Variants in PCDHGB1 observed in about 807,000 individuals in gnomAD.
PCDHGB1 encodes protocadherin gamma-B1.
PCDHGB1 carries 34 observed loss-of-function variants against 56.6 expected under a neutral mutation model. The ratio of observed to expected loss-of-function variants is 0.60; its 90% CI spans 0.46 to 0.80. PCDHGB1 has a LOEUF of 0.80. Ranked by LOEUF, PCDHGB1 falls within the 30% of genes least tolerant of loss-of-function variation. The pLI is 0.00. For missense variants in PCDHGB1, 1,278 were observed against 1,204.6 expected, an observed-to-expected ratio of 1.06 and a Z score of -0.90; for synonymous variants, 561 against 505.9, an observed-to-expected ratio of 1.11 and a Z score of -1.46.
chr5:141,439,211 A>G (rs1438403213), intron 1 of PCDHGB1, among the ~76,000 whole-genome samples: 1 of 151,666 alleles, frequency 6.6e-6, no homozygotes, highest in Non-Finnish European at 1.5e-5. Flanking sequence ...AAAAATCCAT[A>G]TGTGAAAATT....
rs2099694486 is a variant in PCDHGB1 at position 141,489,987 on chromosome 5, G to A, written c.2410-4820G>A. The A allele has an allele frequency of 1.2e-6, 2 of 1,614,106 alleles. No homozygotes were observed. The highest frequency in any genetic ancestry group is 1.3e-5 in the African/African-American group (1 of 74,932). The stretch of plus-strand genomic sequence containing the variant: ...CCTTCCAATCCTCAGTTCTACGTGT[G>A]GGAATCCCAGAGAATGCACCCATTG... On this transcript the variant is annotated intron_variant, in intron 1 of 3. Coordinates refer to ENST00000523390, the MANE Select transcript of PCDHGB1 (RefSeq NM_018922.3). The surrounding 1 kb of genome is among the most constrained non-coding windows in gnomAD (Gnocchi z 4.5).
chr5:141,397,820 C>G (rs2093573235), intron 1 of PCDHGB1, among the ~76,000 whole-genome samples: 1 of 152,240 alleles, frequency 6.6e-6, no homozygotes, highest in Non-Finnish European at 1.5e-5. Flanking sequence ...AAAACAATTA[C>G]TGCACTGGTT....
chr5:141,424,052 G>A, intron 1 of PCDHGB1: 1 of 1,012,010 alleles, frequency 9.9e-7, no homozygotes, highest in South Asian at 4.7e-5. Flanking sequence ...CAATTTTGCT[G>A]TGCCTTCACT....
intron 1 of PCDHGB1, chr5:141,422,335 C>T (rs1196951059): frequency 6.5e-7 from 1 of 1,549,804 alleles, no homozygotes; most frequent in Non-Finnish European, 8.7e-7. Flanking sequence ...GATTGCTCTT[C>T]TAAATGTGCA....
intron 1 of PCDHGB1, chr5:141,415,589 T>C: frequency 1.2e-6 from 2 of 1,614,062 alleles, no homozygotes; most frequent in Non-Finnish European, 1.7e-6. Flanking sequence ...AAGTTTCCTA[T>C]AGAGGATACC....
At chr5:141,420,237 C>A in intron 1 of PCDHGB1, 1 of 1,595,672 alleles carries the variant, frequency 6.3e-7, no homozygotes, top group Non-Finnish European at 8.6e-7. Context: ...AGCATTTTAA[C>A]TCCCAGCGTT....
chr5:141,482,288 C>G (rs1413786764), intron 1 of PCDHGB1, among the ~76,000 whole-genome samples: 1 of 152,078 alleles, frequency 6.6e-6, no homozygotes, highest in Non-Finnish European at 1.5e-5. Context: ...GTCTTTTAAT[C>G]TCTTTAAACT....
chr5:141,428,338 T>G, intron 1 of PCDHGB1: 7 of 592,492 alleles, frequency 1.2e-5, no homozygotes, highest in East Asian at 3.1e-5. Flanking sequence ...TATGCTCTTC[T>G]TCCTCGCAGT....
chr5:141,419,993 G>T (rs754254084), intron 1 of PCDHGB1: 5 of 1,614,056 alleles, frequency 3.1e-6, no homozygotes, highest in Middle Eastern at 1.6e-4. Context: ...TCTAGCTATT[G>T]CTCTACGCCT....
chr5:141,379,238 A>C (rs1775465373), intron 1 of PCDHGB1: 1 of 152,242 alleles, frequency 6.6e-6, no homozygotes, highest in Non-Finnish European at 1.5e-5. Flanking sequence ...CTGAACCAAT[A>C]TTGTGGTATT....
intron 1 of PCDHGB1, chr5:141,404,496 A>G (rs773471878): frequency 2.7e-5 from 43 of 1,613,778 alleles, no homozygotes; most frequent in East Asian, 2.2e-5. Context: ...GGTGTGCTGT[A>G]TGCTCTGTGC....
At chr5:141,414,948 G>A (rs957548133) in intron 1 of PCDHGB1, 20 of 1,614,084 alleles carry the variant, frequency 1.2e-5, no homozygotes, top group South Asian at 2.2e-5. Flanking sequence ...CCGGCTACCT[G>A]GTGACCAAGG....
intron 1 of PCDHGB1, chr5:141,479,355 A>G (rs2099493778): frequency 6.6e-6 from 1 of 152,506 alleles, no homozygotes; most frequent in Non-Finnish European, 1.5e-5. Flanking sequence ...CTTGCTGCTC[A>G]GTGCCTGAGG....
At chr5:141,361,800 C>A in intron 1 of PCDHGB1, 1 of 1,613,196 alleles carries the variant, frequency 6.2e-7, no homozygotes, top group Non-Finnish European at 8.5e-7. Flanking sequence ...TGGGCGACCT[C>A]AATGACAATG....
chr5:141,472,529 G>C lies in PCDHGB1; in HGVS notation c.2410-22278G>C, dbSNP rs553065027. 9.3e-5 allele frequency among the ~76,000 whole-genome samples: 14 copies of C among 151,058 alleles called. No individual in the cohort carries two copies. In the East Asian group the frequency reaches 2.6e-3, roughly 28 times the overall value. ...CACTCCAGCCTGGGTGACAGAGTGA[G>C]ACACCATCTCAAGAAAAAAAAAATT... On this transcript the variant is annotated intron_variant, in intron 1 of 3. Transcript: ENST00000523390.
chr5:141,350,935 C>G lies in PCDHGB1; in HGVS notation c.675C>G (p.Ile225Met). ...CGCCTCTAAGCGGCACCACCCATAT[C>G]TGGATCCGAGTTACGGATGCCAATG... is the stretch of plus-strand genomic sequence containing the variant. ...GDPPLSGTTH[I>M]WIRVTDANDN... is the part of the protein sequence containing the mutation. The change falls in exon 1 of 4, where the codon ATC becomes ATG. Residue 225 changes from isoleucine (I) to methionine (M), a missense_variant. Coordinates refer to ENST00000523390, the MANE Select transcript of PCDHGB1 (RefSeq NM_018922.3). 6.2e-7 allele frequency: 1 copy of G among 1,614,104 alleles called. No individual in the cohort carries two copies. The highest frequency in any genetic ancestry group is 2.2e-5 in the East Asian group (1 of 44,888).
chr5:141,410,090 C>G (rs369832481), intron 1 of PCDHGB1: 3 of 1,612,358 alleles, frequency 1.9e-6, no homozygotes, highest in South Asian at 2.2e-5. Context: ...GCGCACGGCT[C>G]GAGCCTTAGG....
chr5:141,444,561 GA>G (rs778707459), intron 1 of PCDHGB1, among the ~76,000 whole-genome samples: 17 of 152,098 alleles, frequency 1.1e-4, no homozygotes, highest in Non-Finnish European at 2.1e-4. Context: ...GCACTTATTT[GA>G]CACTTTTGAC....
intron 1 of PCDHGB1, among the ~76,000 whole-genome samples, chr5:141,494,188 T>G (rs2099752632): frequency 6.6e-6 from 1 of 152,186 alleles, no homozygotes; most frequent in Non-Finnish European, 1.5e-5. Flanking sequence ...GTCCCGGGAC[T>G]TGGATGCCCC....
Sources: gnomAD v4.1 joint callset for allele counts (sites outside exome capture counted in the v4.1 genomes callset) on GRCh38, gnomAD v4.1.1 for gene constraint, Gnocchi (gnomAD v3.1) non-coding constraint, MANE v1.5 for transcripts, NCBI Gene and HGNC (gene_info 2026-07-23, HGNC 2026-07-21) for gene names.